Variants in RBFOX1 observed in about 807,000 individuals in gnomAD.
RBFOX1 encodes RNA binding protein fox-1 homolog 1.
Under a neutral mutation model 57.7 loss-of-function variants are expected in RBFOX1, and 8 were observed. The observed-to-expected ratio is 0.14, with a 90% confidence interval of 0.08 to 0.25. The LOEUF is 0.25. RBFOX1 is among the 10% of genes least tolerant of loss of function. The probability of loss-of-function intolerance (pLI) is 1.00; values close to 1 mark genes in which losing one functional copy is unlikely to be tolerated. For missense variants in RBFOX1, 611 were observed against 548.5 expected, an observed-to-expected ratio of 1.11 and a Z score of -1.14; for synonymous variants, 326 against 222.4, an observed-to-expected ratio of 1.47 and a Z score of -4.15.
chr16:6,772,515 T>C (rs899967752), intron 3 of RBFOX1, among the ~76,000 whole-genome samples: 4 of 151,044 alleles, frequency 2.6e-5, no homozygotes, highest in Admixed American at 2.6e-4. Flanking sequence ...TTTGTATGTA[T>C]ATGGGTGGGT....
intron 4 of RBFOX1, among the ~76,000 whole-genome samples, chr16:7,241,344 C>T (rs1399823807): frequency 1.3e-5 from 2 of 152,032 alleles, no homozygotes; most frequent in Non-Finnish European, 2.9e-5. Context: ...ACCTCCTGGC[C>T]CGTTGGACTA....
At chr16:7,036,890 C>G (rs906421414) in intron 3 of RBFOX1, among the ~76,000 whole-genome samples, 1 of 152,134 alleles carries the variant, frequency 6.6e-6, no homozygotes, top group African/African-American at 2.4e-5. Flanking sequence ...CTTGGGGCTG[C>G]TTGTTTCCCA....
intron 3 of RBFOX1, among the ~76,000 whole-genome samples, chr16:7,005,316 T>A (rs143180402): frequency 1.3e-5 from 2 of 152,254 alleles, no homozygotes; most frequent in African/African-American, 4.8e-5. Flanking sequence ...TCCCTTTCAA[T>A]GAGACTGTGT....
At chr16:6,577,398 C>G (rs901054055) in intron 2 of RBFOX1, 98 of 152,204 alleles carry the variant, frequency 6.4e-4, no homozygotes, top group African/African-American at 2.0e-3. Context: ...AATATAAATA[C>G]CAGTCCCAGT....
rs562069849 is a variant in RBFOX1 at position 7,249,802 on chromosome 16, A to C, written c.27+197704A>C. ...TGTCTATATCTTAAGCACACCCAGGACTTTCTGGAGTCAGTTCCTACAAGT... is the reference window on the plus strand; with the variant it reads ...TGTCTATATCTTAAGCACACCCAGGCCTTTCTGGAGTCAGTTCCTACAAGT... On this transcript the variant is annotated intron_variant, in intron 4 of 15. Transcript: ENST00000550418. Among the ~76,000 whole-genome samples the C allele has an allele frequency of 3.3e-5, 5 of 151,942 alleles. No homozygotes were observed. In the South Asian group the frequency reaches 8.3e-4, roughly 25 times the overall value.
intron 2 of RBFOX1, among the ~76,000 whole-genome samples, chr16:6,492,218 A>G (rs957618162): frequency 3.3e-5 from 5 of 152,220 alleles, no homozygotes; most frequent in Admixed American, 6.5e-5. Context: ...GGCATTTTAT[A>G]TACTGTTAGA....
At chr16:6,683,070 C>T (rs1406950297) in intron 3 of RBFOX1, among the ~76,000 whole-genome samples, 1 of 151,984 alleles carries the variant, frequency 6.6e-6, no homozygotes, top group Non-Finnish European at 1.5e-5. Context: ...TGTGATACAA[C>T]ATGTAGAATA....
At chr16:6,206,154 A>G (rs548587798) in intron 1 of RBFOX1, among the ~76,000 whole-genome samples, 88 of 152,282 alleles carry the variant, frequency 5.8e-4, no homozygotes, top group Admixed American at 7.2e-4. Flanking sequence ...ACTTCTTACT[A>G]TGATTTGAGC....
At chr16:6,439,048 C>T (rs945984192) in intron 2 of RBFOX1, among the ~76,000 whole-genome samples, 4 of 152,046 alleles carry the variant, frequency 2.6e-5, no homozygotes, top group Non-Finnish European at 4.4e-5. Flanking sequence ...GGAAACTGAC[C>T]CCAGTTGAAA....
chr16:7,107,757 A>G (rs2063867916), intron 4 of RBFOX1, among the ~76,000 whole-genome samples: 1 of 152,046 alleles, frequency 6.6e-6, no homozygotes, highest in African/African-American at 2.4e-5. Flanking sequence ...TATAGCTTTT[A>G]AGCCCACACA....
At chr16:7,440,864 C>G (rs928557474) in intron 4 of RBFOX1, among the ~76,000 whole-genome samples, 10 of 152,208 alleles carry the variant, frequency 6.6e-5, no homozygotes, top group East Asian at 1.9e-4. Context: ...GCCTAATATG[C>G]CAACTTCTGA....
At chr16:7,104,358 C>T (rs754904782) in intron 4 of RBFOX1, among the ~76,000 whole-genome samples, 1 of 152,152 alleles carries the variant, frequency 6.6e-6, no homozygotes, top group Non-Finnish European at 1.5e-5. Flanking sequence ...GCTTGAACAT[C>T]TACTTAATCA....
intron 3 of RBFOX1, among the ~76,000 whole-genome samples, chr16:6,667,043 C>A (rs1456707619): frequency 6.6e-6 from 1 of 152,068 alleles, no homozygotes; most frequent in African/African-American, 2.4e-5. Flanking sequence ...TTTTACTAAA[C>A]GTTGAAAATG....
At chr16:6,888,922 C>T (rs2064781971) in intron 3 of RBFOX1, among the ~76,000 whole-genome samples, 2 of 152,264 alleles carry the variant, frequency 1.3e-5, no homozygotes, top group Non-Finnish European at 1.5e-5. Flanking sequence ...TCCTGCCAAG[C>T]AGATAGAAAC....
At chr16:5,741,333 A>C (rs12051184) in intron 3 of RBFOX1, among the ~76,000 whole-genome samples, 1 of 152,162 alleles carries the variant, frequency 6.6e-6, no homozygotes, top group East Asian at 1.9e-4. Flanking sequence ...TCCCAAGGCA[A>C]AGGGTCATTA....
At chr16:5,367,939 C>T (rs979220287) in intron 1 of RBFOX1, among the ~76,000 whole-genome samples, 2 of 152,108 alleles carry the variant, frequency 1.3e-5, no homozygotes, top group Non-Finnish European at 2.9e-5. Context: ...TGCACTTGAC[C>T]TTGGGTTGTG....
intron 2 of RBFOX1, among the ~76,000 whole-genome samples, chr16:5,562,431 A>G (rs2045921569): frequency 6.6e-6 from 1 of 152,130 alleles, no homozygotes; most frequent in Admixed American, 6.5e-5. Flanking sequence ...CTGAGGGCAG[A>G]TGCTGGGGCC....
At chr16:7,405,491 C>G (rs536374043) in intron 4 of RBFOX1, among the ~76,000 whole-genome samples, 18 of 152,288 alleles carry the variant, frequency 1.2e-4, no homozygotes, top group Middle Eastern at 3.4e-3. Context: ...GTTCTGAAGG[C>G]AGCAATTAAA....
intron 1 of RBFOX1, among the ~76,000 whole-genome samples, chr16:5,396,190 T>C (rs1032182864): frequency 6.6e-6 from 1 of 152,220 alleles, no homozygotes; most frequent in Non-Finnish European, 1.5e-5. Context: ...TAGGTAATCC[T>C]CTTTGCAATG....
Sources: gnomAD v4.1 joint callset for allele counts (sites outside exome capture counted in the v4.1 genomes callset) on GRCh38, gnomAD v4.1.1 for gene constraint, MANE v1.5 for transcripts, NCBI Gene and HGNC (gene_info 2026-07-23, HGNC 2026-07-21) for gene names.